ZBTB10: variants seen among roughly 807,000 people sequenced by gnomAD.
The protein encoded by ZBTB10 is zinc finger and BTB domain-containing protein 10.
A neutral mutation model predicts 76.4 loss-of-function variants in ZBTB10; 32 were observed. The ratio of observed to expected loss-of-function variants is 0.42; its 90% CI spans 0.32 to 0.56. ZBTB10 has a LOEUF of 0.56. ZBTB10 is among the 20% of genes least tolerant of loss of function. The pLI is 0.14. For missense variants in ZBTB10, 1,057 were observed against 1,098.5 expected, an observed-to-expected ratio of 0.96 and a Z score of 0.53; for synonymous variants, 523 against 432.9, an observed-to-expected ratio of 1.21 and a Z score of -2.58.
rs1428895803 is a variant in ZBTB10, at chr8:80,521,003, A to G, written c.*1475A>G. The stretch of plus-strand genomic sequence containing the variant: ...AAAATTGAGTATATTTTCCTATTTT[A>G]TATCAGGTAACTAAATTATGCTAGT... On this transcript the variant is annotated 3_prime_UTR_variant, in exon 6 of 6. Transcript: ENST00000455036. 2 of 151,942 alleles carry G rather than the reference A, an allele frequency of 1.3e-5. No homozygotes were observed. Among genetic ancestry groups the G allele is most frequent in the East Asian group, 3.9e-4 (2 of 5,188 alleles). The allele number at this position is 151,942 out of a possible 1,614,324, so 9.4% of individuals were successfully genotyped here.
intron 1 of ZBTB10, among the ~76,000 whole-genome samples, chr8:80,497,398 C>G (rs968064881): frequency 6.8e-6 from 1 of 146,328 alleles, no homozygotes; most frequent in Admixed American, 6.9e-5. Context: ...CGTGACTTAA[C>G]AGTTTTTGCA....
At position 80,518,394 on chromosome 8, in the gene ZBTB10, T is replaced by C; in HGVS notation, c.1961-9T>C. 6.5e-7 allele frequency: 1 copy of C among 1,534,712 alleles called. No individual in the cohort carries two copies. Among genetic ancestry groups the C allele is most frequent in the South Asian group, 1.3e-5 (1 of 79,922 alleles). On this transcript the variant is annotated splice_polypyrimidine_tract_variant and intron_variant, in intron 3 of 5. Coordinates refer to ENST00000455036, the MANE Select transcript of ZBTB10 (RefSeq NM_001105539.3). ...ACCATTATTAATTCAGAATTTTTAC[T>C]TGTACTAGGTACTTCACATGATTTC...
chr8:80,486,722 CAG>C lies in ZBTB10; in HGVS notation c.-86_-85del, dbSNP rs987786625. ...CGGAACGCCGGGGGCGGGGGCGAGA[CAG>C]AGGGGGAGCCGCGGGGAGCGCGCGG... is the stretch of plus-strand genomic sequence containing the variant. On this transcript the variant is annotated 5_prime_UTR_variant, in exon 1 of 6. Coordinates refer to ENST00000455036, the MANE Select transcript of ZBTB10 (RefSeq NM_001105539.3). 8 of 1,003,292 alleles carry C rather than the reference CAG, an allele frequency of 8.0e-6. No individual in the cohort carries two copies. The highest frequency in any genetic ancestry group is 9.5e-6 in the Non-Finnish European group (8 of 842,596). The allele number at this position is 1,003,292 out of a possible 1,614,324, so 62.1% of individuals were successfully genotyped here.
Position 80,486,869 on chromosome 8 carries a change from C to T in ZBTB10, c.59C>T (p.Thr20Ile). ...GCGTTCCGAGGAGGCGGGTTGGTCA[C>T]CGCTAGCGGCGGCGGCTCCACGAAC... ...TLAFRGGGLV[T>I]ASGGGSTNNN... is the part of the protein sequence containing the mutation. The change falls in exon 1 of 6, where the codon ACC (threonine) becomes ATC (isoleucine). Residue 20 changes from threonine (T) to isoleucine (I), a missense_variant. Physicochemically the swap from Thr to Ile is moderately conservative, Grantham distance 89. Transcript: ENST00000455036. 1.3e-6 allele frequency: 2 copies of T among 1,512,884 alleles called. No individual in the cohort carries two copies. Among genetic ancestry groups the T allele is most frequent in the South Asian group, 2.5e-5 (2 of 80,918 alleles). The allele number at this position is 1,512,884 out of a possible 1,614,324, so 93.7% of individuals were successfully genotyped here. A position where few individuals can be genotyped will look rare whatever the true frequency, so the allele number is the denominator to read the frequency against.
upstream of ZBTB10, chr8:80,486,011 T>C: frequency 1.1e-5 from 12 of 1,085,632 alleles, no homozygotes; most frequent in Non-Finnish European, 1.5e-5. Flanking sequence ...CCCGGCCTTT[T>C]GTCCCCAACC....
intron 1 of ZBTB10, among the ~76,000 whole-genome samples, chr8:80,495,377 C>G (rs543979118): frequency 6.7e-6 from 1 of 150,162 alleles, no homozygotes; most frequent in Admixed American, 6.6e-5. Context: ...TATAGACCAT[C>G]TTATGTTTTT....
At chr8:80,490,410 GT>G (rs894412732) in intron 1 of ZBTB10, among the ~76,000 whole-genome samples, 2 of 151,976 alleles carry the variant, frequency 1.3e-5, no homozygotes, top group Non-Finnish European at 2.9e-5. Context: ...TAATTTTTAA[GT>G]TTTTTGTTGA....
chr8:80,497,038 T>G (rs1815800280), intron 1 of ZBTB10, among the ~76,000 whole-genome samples: 1 of 152,170 alleles, frequency 6.6e-6, no homozygotes, highest in Admixed American at 6.5e-5. Context: ...ATAGGCAAAT[T>G]AATAAAATTT....
chr8:80,519,836 A>G lies in ZBTB10; in HGVS notation c.*308A>G, dbSNP rs1816414219. ...TTGGGTCCTATGAAAATAGTCCTTAAAGAGCTTACATTCATGTGCTACTTT... is the reference window on the plus strand; with the variant it reads ...TTGGGTCCTATGAAAATAGTCCTTAGAGAGCTTACATTCATGTGCTACTTT... On this transcript the variant is annotated 3_prime_UTR_variant, in exon 6 of 6. Transcript: ENST00000455036. The G allele has an allele frequency of 4.6e-6, 1 of 216,782 alleles. No individual in the cohort carries two copies. Among genetic ancestry groups the G allele is most frequent in the African/African-American group, 2.3e-5 (1 of 44,154 alleles). The allele number at this position is 216,782 out of a possible 1,614,324, so 13.4% of individuals were successfully genotyped here. A position where few individuals can be genotyped will look rare whatever the true frequency, so the allele number is the denominator to read the frequency against.
chr8:80,489,941 T>A (rs1815580037), intron 1 of ZBTB10, among the ~76,000 whole-genome samples: 1 of 152,236 alleles, frequency 6.6e-6, no homozygotes, highest in African/African-American at 2.4e-5. Context: ...GATATCTTGT[T>A]ATCAACCCCC....
Position 80,487,144 on chromosome 8 carries a change from G to A in ZBTB10, c.334G>A (p.Gly112Ser). The A allele has an allele frequency of 6.6e-7, 1 of 1,514,626 alleles. No homozygotes were observed. The highest frequency in any genetic ancestry group is 2.1e-5 in the Admixed American group (1 of 46,674). 93.8% of individuals were successfully genotyped at this position (1,514,626 alleles called of 1,614,324 possible). A position where few individuals can be genotyped will look rare whatever the true frequency, so the allele number is the denominator to read the frequency against. Residue 112 changes from glycine (G) to serine (S), a missense_variant, in exon 1 of 6, where the codon GGC (glycine) becomes AGC (serine). Gly to Ser is a moderately conservative substitution (Grantham distance 56). This residue lies in a region of ZBTB10 where 556 missense variants were observed against 451.7 expected (regional missense o/e 1.23). Coordinates refer to ENST00000455036, the MANE Select transcript of ZBTB10 (RefSeq NM_001105539.3). ...GPTSLGGGAG[G>S]PLLAERNRRT... ...CACCTCGCTTGGCGGTGGCGCGGGG[G>A]GCCCCCTGCTAGCGGAAAGGAACCG... is the stretch of plus-strand genomic sequence containing the variant.
At chr8:80,514,642 G>A (rs1321842593) in intron 3 of ZBTB10, among the ~76,000 whole-genome samples, 1 of 152,126 alleles carries the variant, frequency 6.6e-6, no homozygotes, top group Non-Finnish European at 1.5e-5. Flanking sequence ...AGATTGTTGG[G>A]GAATATCATA....
chr8:80,492,155 C>T (rs543656449), intron 1 of ZBTB10, among the ~76,000 whole-genome samples: 6 of 152,206 alleles, frequency 3.9e-5, no homozygotes, highest in African/African-American at 9.6e-5. Context: ...CATTAAATTC[C>T]GTTGTTTCTT....
chr8:80,498,874 A>T (rs1325892178), intron 1 of ZBTB10, among the ~76,000 whole-genome samples: 1 of 152,250 alleles, frequency 6.6e-6, no homozygotes, highest in Non-Finnish European at 1.5e-5. Context: ...CCCTAAAGAG[A>T]TAAAGCGTTT....
intron 1 of ZBTB10, among the ~76,000 whole-genome samples, chr8:80,493,752 C>T (rs1449686652): frequency 2.6e-5 from 4 of 152,058 alleles, no homozygotes; most frequent in East Asian, 1.9e-4. Flanking sequence ...ATCGCTTCAA[C>T]GCAGAAGGCA....
At chr8:80,506,561 C>CG (rs1816058237) in intron 2 of ZBTB10, among the ~76,000 whole-genome samples, 2 of 123,348 alleles carry the variant, frequency 1.6e-5, no homozygotes, top group Admixed American at 7.5e-5. Flanking sequence ...TCAGGTGATC[C>CG]ACCCCCCCCC....
Position 80,486,991 on chromosome 8 carries a change from C to T in ZBTB10, c.181C>T (p.Arg61Trp), listed in dbSNP as rs1563453954. Residue 61 changes from arginine to tryptophan, a missense_variant, in exon 1 of 6, where the codon CGG becomes TGG. This residue lies in a region of ZBTB10 where 556 missense variants were observed against 451.7 expected (regional missense o/e 1.23). Coordinates refer to ENST00000455036, the MANE Select transcript of ZBTB10 (RefSeq NM_001105539.3). ...APPALQPPNG[R>W]GADEEVELEG... ...GCCCGCGCTTCAGCCGCCTAATGGG[C>T]GGGGGGCCGACGAGGAAGTGGAATT... The T allele has an allele frequency of 3.3e-6, 5 of 1,513,762 alleles. No individual in the cohort carries two copies. Among genetic ancestry groups the T allele is most frequent in the Non-Finnish European group, 4.4e-6 (5 of 1,136,188 alleles). The allele number at this position is 1,513,762 out of a possible 1,614,324, so 93.8% of individuals were successfully genotyped here. A position where few individuals can be genotyped will look rare whatever the true frequency, so the allele number is the denominator to read the frequency against.
chr8:80,509,080 G>A (rs781368353), intron 2 of ZBTB10, among the ~76,000 whole-genome samples: 1 of 152,124 alleles, frequency 6.6e-6, no homozygotes, highest in Non-Finnish European at 1.5e-5. Flanking sequence ...TGAAAGGGAA[G>A]CTATTTTGAG....
intron 2 of ZBTB10, among the ~76,000 whole-genome samples, chr8:80,512,415 C>T (rs1361556082): frequency 6.6e-6 from 1 of 152,158 alleles, no homozygotes; most frequent in South Asian, 2.1e-4. Flanking sequence ...TCAGTATTCA[C>T]ATATGTAATT....
Sources: gnomAD v4.1 joint callset for allele counts (sites outside exome capture counted in the v4.1 genomes callset) on GRCh38, gnomAD v4.1.1 for gene constraint, gnomAD v4.1.1 regional missense constraint, MANE v1.5 for transcripts, NCBI Gene and HGNC (gene_info 2026-07-23, HGNC 2026-07-21) for gene names.